Variants in KLHL32 observed in about 807,000 individuals in gnomAD.
The protein encoded by KLHL32 is kelch like family member 32.
Under a neutral mutation model 64.8 loss-of-function variants are expected in KLHL32, and 35 were observed. The observed-to-expected ratio is 0.54, with a 90% CI of 0.41 to 0.72. The LOEUF (loss-of-function observed/expected upper bound fraction) is 0.72, where lower values mean the gene tolerates loss of function less well. Ranked by LOEUF, KLHL32 falls within the 30% of genes least tolerant of loss-of-function variation. The probability of loss-of-function intolerance (pLI) is 0.00; values close to 1 mark genes in which losing one functional copy is unlikely to be tolerated. For synonymous variants in KLHL32, 259 were observed against 281.0 expected (o/e 0.92, Z 0.78); for missense variants, 589 against 768.5 (o/e 0.77, Z 2.76).
chr6:97,044,517 C>T (rs536026783), intron 4 of KLHL32, among the ~76,000 whole-genome samples: 1 of 152,162 alleles, frequency 6.6e-6, no homozygotes, highest in East Asian at 1.9e-4. Context: ...ATGCTAGTCT[C>T]ATAAAATGAA....
chr6:97,123,585 G>A (rs1798584639), intron 7 of KLHL32, among the ~76,000 whole-genome samples: 1 of 152,074 alleles, frequency 6.6e-6, no homozygotes, highest in Admixed American at 6.5e-5. Context: ...TTTCACTGTG[G>A]CACTTCAAAG....
chr6:97,115,386 C>G (rs1797707561), intron 7 of KLHL32, among the ~76,000 whole-genome samples: 2 of 152,186 alleles, frequency 1.3e-5, no homozygotes, highest in Admixed American at 1.3e-4. Context: ...CCCTTCATTC[C>G]TATTTACTCT....
At chr6:97,078,173 G>C (rs991543111) in intron 5 of KLHL32, among the ~76,000 whole-genome samples, 3 of 152,160 alleles carry the variant, frequency 2.0e-5, no homozygotes, top group Non-Finnish European at 4.4e-5. Context: ...GTTTGGAATA[G>C]ATTTGGGAGT....
At chr6:97,011,191 G>C (rs992920583) in intron 3 of KLHL32, among the ~76,000 whole-genome samples, 7 of 152,160 alleles carry the variant, frequency 4.6e-5, no homozygotes. Flanking sequence ...AATTCTACTA[G>C]GTTAGCACTT....
intron 2 of KLHL32, among the ~76,000 whole-genome samples, chr6:96,975,170 G>C (rs1775555165): frequency 6.6e-6 from 1 of 152,180 alleles, no homozygotes; most frequent in African/African-American, 2.4e-5. Flanking sequence ...CTTTTGAAAG[G>C]ACATAAGGAT....
At chr6:96,999,068 G>A (rs1480221968) in intron 3 of KLHL32, among the ~76,000 whole-genome samples, 2 of 152,192 alleles carry the variant, frequency 1.3e-5, no homozygotes, top group Non-Finnish European at 2.9e-5. Context: ...TAACAAGGCT[G>A]TGGGGAAGTG....
At chr6:97,114,684 A>G in intron 7 of KLHL32, 175 bp downstream of exon 7, 1 of 697,772 alleles carries the variant, frequency 1.4e-6, no homozygotes, top group Non-Finnish European at 2.4e-6. Flanking sequence ...TGTAATTGGA[A>G]ATAATATGCC....
intron 5 of KLHL32, among the ~76,000 whole-genome samples, chr6:97,070,403 G>A (rs1790522880): frequency 6.6e-6 from 1 of 152,052 alleles, no homozygotes. Flanking sequence ...ATTCATATTT[G>A]GCTTTGAAAT....
At chr6:96,981,812 G>T (rs532000836) in intron 3 of KLHL32, among the ~76,000 whole-genome samples, 1 of 152,098 alleles carries the variant, frequency 6.6e-6, no homozygotes, top group African/African-American at 2.4e-5. Context: ...TTGTTTACCC[G>T]AAAATCATTC....
chr6:97,072,416 A>T (rs746747191), intron 5 of KLHL32, among the ~76,000 whole-genome samples: 11 of 152,128 alleles, frequency 7.2e-5, no homozygotes, highest in African/African-American at 1.4e-4. Context: ...TTGATTTTTT[A>T]AAAAAATCAC....
At chr6:96,963,615 A>G (rs1435220044) in intron 1 of KLHL32, among the ~76,000 whole-genome samples, 2 of 152,140 alleles carry the variant, frequency 1.3e-5, no homozygotes, top group Non-Finnish European at 2.9e-5. Flanking sequence ...TTTTTATAGT[A>G]GTTATGCAAT....
chr6:97,007,602 T>C (rs912947332), intron 3 of KLHL32, among the ~76,000 whole-genome samples: 1 of 152,246 alleles, frequency 6.6e-6, no homozygotes, highest in Admixed American at 6.5e-5. Context: ...TTCTTTCTCA[T>C]GTGTATGGGC....
At chr6:97,066,561 A>G (rs532152103) in intron 5 of KLHL32, among the ~76,000 whole-genome samples, 1 of 152,206 alleles carries the variant, frequency 6.6e-6, no homozygotes, top group Non-Finnish European at 1.5e-5. Flanking sequence ...ACTTTTCACA[A>G]ATGTTTTCAT....
At chr6:97,103,492 C>T (rs189319570) in intron 6 of KLHL32, among the ~76,000 whole-genome samples, 5 of 152,208 alleles carry the variant, frequency 3.3e-5, no homozygotes, top group Non-Finnish European at 4.4e-5. Context: ...GGATTACAGG[C>T]GCCCAGCCAT....
chr6:96,917,797 A>G, the KLHL32 span, among the ~76,000 whole-genome samples: 1 of 152,192 alleles, frequency 6.6e-6, no homozygotes, highest in East Asian at 1.9e-4. Flanking sequence ...CTTTAGTGTA[A>G]GGACATCAAA....
At chr6:97,091,232 G>A (rs1007031215) in intron 6 of KLHL32, among the ~76,000 whole-genome samples, 3 of 152,232 alleles carry the variant, frequency 2.0e-5, no homozygotes, top group South Asian at 4.1e-4. Flanking sequence ...AAAACAAAAC[G>A]AAACAGAAAA....
intron 1 of KLHL32, among the ~76,000 whole-genome samples, chr6:96,929,926 T>C (rs1190136483): frequency 6.6e-6 from 1 of 152,242 alleles, no homozygotes. Flanking sequence ...GATAAGATAA[T>C]TTTTAAATGA....
intron 3 of KLHL32, among the ~76,000 whole-genome samples, chr6:97,031,414 C>A (rs558330453): frequency 1.3e-5 from 2 of 151,998 alleles, no homozygotes; most frequent in Admixed American, 1.3e-4. Context: ...TGGCTCACTG[C>A]AGCCTCAAAC....
Position 97,113,865 on chromosome 6 carries a change from A to C in KLHL32, c.710A>C (p.Asp237Ala), listed in dbSNP as rs140254052. ...LLQYIRFGLM[D>A]VDTLHTVALS... ...CAATACATCCGCTTTGGCCTAATGGATGTGGATACTCTCCATACAGTTGCC... is the reference window on the plus strand; with the variant it reads ...CAATACATCCGCTTTGGCCTAATGGCTGTGGATACTCTCCATACAGTTGCC... Residue 237 changes from aspartate to alanine, a missense_variant, in exon 7 of 11, where the codon GAT (aspartate) becomes GCT (alanine). Transcript: ENST00000369261. 6.0e-5 allele frequency: 97 copies of C among 1,613,932 alleles called. No homozygotes were observed. The highest frequency in any genetic ancestry group is 8.0e-5 in the Non-Finnish European group (94 of 1,180,016).
Sources: gnomAD v4.1 joint callset for allele counts (sites outside exome capture counted in the v4.1 genomes callset) on GRCh38, gnomAD v4.1.1 for gene constraint, MANE v1.5 for transcripts, NCBI Gene and HGNC (gene_info 2026-07-23, HGNC 2026-07-21) for gene names.